WDR93: variants seen among roughly 807,000 people sequenced by gnomAD.
WDR93 encodes the protein WD repeat domain 93, also known as WD repeat-containing protein 93.
Under a neutral mutation model 82.9 loss-of-function variants are expected in WDR93, and 73 were observed. The observed-to-expected ratio is 0.88, with a 90% CI of 0.73 to 1.07. The LOEUF is 1.07. WDR93 is among the 50% of genes least tolerant of loss of function. WDR93 has a pLI of 0.00. For missense variants in WDR93, 738 were observed against 826.0 expected, an observed-to-expected ratio of 0.89 and a Z score of 1.31; for synonymous variants, 283 against 300.1, an observed-to-expected ratio of 0.94 and a Z score of 0.59.
chr15:89,730,238 T>A (rs1443315603), intron 11 of WDR93, among the ~76,000 whole-genome samples: 4 of 147,314 alleles, frequency 2.7e-5, no homozygotes, highest in Non-Finnish European at 5.9e-5. Context: ...GGCAGGAGAA[T>A]CACATGAACC....
chr15:89,740,499 T>C (rs1967577737), intron 16 of WDR93, among the ~76,000 whole-genome samples: 1 of 151,460 alleles, frequency 6.6e-6, no homozygotes, highest in African/African-American at 2.5e-5. Flanking sequence ...TTTTTGTTTT[T>C]TGTTTTTGTT....
chr15:89,738,061 G>A lies in WDR93; in HGVS notation c.1786G>A (p.Ala596Thr), dbSNP rs1169409282. The A allele has an allele frequency of 1.2e-6, 2 of 1,612,216 alleles. No homozygotes were observed. The highest frequency in any genetic ancestry group is 2.2e-5 in the South Asian group (2 of 90,820). Residue 596 changes from alanine (A) to threonine (T), a missense_variant, in exon 16 of 17, where the codon GCG (alanine) becomes ACG (threonine). Physicochemically the swap from Ala to Thr is moderately conservative, Grantham distance 58 (BLOSUM62 0). Transcript: ENST00000268130. The part of the protein sequence containing the change: ...LLRGDYSHET[A>T]STDDAGIQYS... ...CACAGGAGACTATTCACATGAAACT[G>A]CGTCCACCGACGATGCTGGAATCCA...
chr15:89,729,915 G>T, intron 11 of WDR93, 146 bp downstream of exon 11: 1 of 683,754 alleles, frequency 1.5e-6, no homozygotes, highest in East Asian at 2.8e-5. Context: ...TTTGGTGGGT[G>T]TAGTGTGACC....
rs35004736 is a variant in WDR93 at position 89,738,117 on chromosome 15, C to T, written c.1842C>T (p.Ala614=). ...QYSVFYFNFE[A]CPLLENISKN... ...CTGTTTTCTATTTTAATTTTGAGGC[C>T]TGCCCACTCCTGGAAAATATCTCAA... Residue 614 remains alanine (A), a synonymous_variant, in exon 16 of 17, where the codon GCC becomes GCT. Coordinates refer to ENST00000268130, the MANE Select transcript of WDR93 (RefSeq NM_020212.2). 2.6e-3 allele frequency: 4,212 copies of T among 1,614,112 alleles called. 85 individuals carry two copies. In the African/African-American group the frequency reaches 0.047, roughly 18 times the overall value.
At chr15:89,731,406 T>A (rs1966856864) in intron 11 of WDR93, 37 bp from the exon 12 acceptor site, 1 of 1,552,668 alleles carries the variant, frequency 6.4e-7, no homozygotes, top group Non-Finnish European at 8.8e-7. Flanking sequence ...AGGTGCAGAG[T>A]CTGGGGGAAC....
intron 4 of WDR93, among the ~76,000 whole-genome samples, chr15:89,707,602 A>C (rs955473733): frequency 5.5e-5 from 8 of 144,932 alleles, no homozygotes; most frequent in Admixed American, 2.0e-4. Flanking sequence ...AAAAAATAAA[A>C]CAACAAAGAA....
chr15:89,696,347 A>G (rs1024010928), intron 1 of WDR93, among the ~76,000 whole-genome samples: 3 of 152,194 alleles, frequency 2.0e-5, no homozygotes, highest in Non-Finnish European at 4.4e-5. Flanking sequence ...ATTCTATTAT[A>G]TGGATATACC....
At chr15:89,739,683 G>A (rs1003348320) in intron 16 of WDR93, among the ~76,000 whole-genome samples, 3 of 152,110 alleles carry the variant, frequency 2.0e-5, no homozygotes, top group African/African-American at 7.2e-5. Context: ...TCCTCGTCCC[G>A]GGCCTGCCAC....
intron 6 of WDR93, 102 bp downstream of exon 6, chr15:89,715,197 A>G: frequency 1.1e-6 from 1 of 911,140 alleles, no homozygotes; most frequent in South Asian, 1.7e-5. Context: ...CCTCTGGGCT[A>G]TAAGAGAGGA....
At chr15:89,702,826 A>T in intron 2 of WDR93, 124 bp from the exon 3 acceptor site, 1 of 1,125,326 alleles carries the variant, frequency 8.9e-7, no homozygotes, top group Non-Finnish European at 1.2e-6. Flanking sequence ...GGCGTTAGCC[A>T]CTGCGTCCAG....
chr15:89,712,828 G>C (rs1966054545), intron 5 of WDR93, among the ~76,000 whole-genome samples: 1 of 152,020 alleles, frequency 6.6e-6, no homozygotes, highest in Admixed American at 6.6e-5. Context: ...GAAAATGATA[G>C]AAGTACCACC....
chr15:89,718,506 TG>T (rs1255130242), intron 7 of WDR93, among the ~76,000 whole-genome samples: 1 of 150,564 alleles, frequency 6.6e-6, no homozygotes. Context: ...CATGTGGCTG[TG>T]GTCCCAGCTA....
upstream of WDR93, chr15:89,690,712 T>G (rs924392315): frequency 9.5e-7 from 1 of 1,054,550 alleles, no homozygotes; most frequent in South Asian, 1.4e-5. Context: ...CAGGGAACGG[T>G]CAGTCCCAGG....
chr15:89,690,708 A>C (rs966148631), upstream of WDR93: 10 of 1,080,578 alleles, frequency 9.3e-6, no homozygotes, highest in Non-Finnish European at 1.4e-5. Flanking sequence ...TCCCCAGGGA[A>C]CGGTCAGTCC....
At chr15:89,697,687 C>T (rs188041982) in intron 1 of WDR93, among the ~76,000 whole-genome samples, 1 of 152,124 alleles carries the variant, frequency 6.6e-6, no homozygotes, top group South Asian at 2.1e-4. Flanking sequence ...TCTGTATCCT[C>T]ACAGATTTTT....
At chr15:89,713,439 C>T (rs537890262) in intron 5 of WDR93, among the ~76,000 whole-genome samples, 1 of 151,876 alleles carries the variant, frequency 6.6e-6, no homozygotes, top group South Asian at 2.1e-4. Context: ...TCCAAGCCCC[C>T]TCCAATGTCA....
chr15:89,736,830 C>T (rs1464682287), intron 14 of WDR93, among the ~76,000 whole-genome samples: 8 of 150,620 alleles, frequency 5.3e-5, no homozygotes, highest in Non-Finnish European at 1.2e-4. Flanking sequence ...CTCGCTCTGC[C>T]GCCCAGGCTG....
rs556937945 is a variant in WDR93 at position 89,732,240 on chromosome 15, C to T, written c.1330+678C>T. 3.9e-5 allele frequency among the ~76,000 whole-genome samples: 6 copies of T among 152,252 alleles called. No homozygotes were observed. In the South Asian group the frequency reaches 1.0e-3, roughly 26 times the overall value. On this transcript the variant is annotated intron_variant, in intron 12 of 16. Transcript: ENST00000268130. Reference sequence around the variant, plus strand: ...ATTTACCTAGAGAGTGGAGGTGGGCCACCTTCACTGGGCAGCCCTCCTGGC... The same window carrying T: ...ATTTACCTAGAGAGTGGAGGTGGGCTACCTTCACTGGGCAGCCCTCCTGGC...
chr15:89,701,009 G>A (rs369769047), intron 1 of WDR93, among the ~76,000 whole-genome samples: 2 of 151,746 alleles, frequency 1.3e-5, no homozygotes, highest in South Asian at 4.2e-4. Context: ...CACACACAGA[G>A]TGGAGCTAAT....
Sources: gnomAD v4.1 joint callset for allele counts (sites outside exome capture counted in the v4.1 genomes callset) on GRCh38, gnomAD v4.1.1 for gene constraint, MANE v1.5 for transcripts, NCBI Gene and HGNC (gene_info 2026-07-23, HGNC 2026-07-21) for gene names.